HIP1: variants seen among roughly 807,000 people sequenced by gnomAD.
The protein encoded by HIP1 is huntingtin interacting protein 1, also known as huntingtin-interacting protein 1.
In HIP1, 65 loss-of-function variants were observed where a neutral mutation model predicts 147.6. That is an observed-to-expected ratio of 0.44 (90% CI 0.36 to 0.54). The LOEUF is 0.54. Ranked by LOEUF, HIP1 falls within the 20% of genes least tolerant of loss-of-function variation. HIP1 has a pLI of 0.00. For synonymous variants in HIP1, 479 were observed against 504.0 expected (o/e 0.95, Z 0.67); for missense variants, 1,061 against 1,299.6 (o/e 0.82, Z 2.82).
rs782112678 is a variant in HIP1 at position 75,547,036 on chromosome 7, CCAAA to C, written c.2466-8_2466-5del. ...GCTGGTACAGCAACCAAGGATCCTG[CCAAA>C]CAAACAAGTCGAGGATACACTGAGA... On this transcript the variant is annotated splice_region_variant and splice_polypyrimidine_tract_variant and intron_variant, in intron 24 of 30. Transcript: ENST00000336926. 3 of 1,576,044 alleles carry C rather than the reference CCAAA, an allele frequency of 1.9e-6. No individual in the cohort carries two copies. The highest frequency in any genetic ancestry group is 1.2e-5 in the South Asian group (1 of 85,952).
chr7:75,603,343 C>CA (rs10546584), intron 1 of HIP1, among the ~76,000 whole-genome samples: 3,311 of 127,460 alleles, frequency 0.026, 126 homozygotes, highest in African/African-American at 0.079. Flanking sequence ...GCGAGACTCT[C>CA]AAAAAAAAAA....
At chr7:75,561,893 T>G (rs587602453) in intron 12 of HIP1, among the ~76,000 whole-genome samples, 180 bp downstream of exon 12, 2 of 152,310 alleles carry the variant, frequency 1.3e-5, no homozygotes, top group Admixed American at 1.3e-4. Context: ...AAAATCCTCC[T>G]ACCTCATCCT....
chr7:75,570,946 G>A lies in HIP1; in HGVS notation c.746-2690C>T, dbSNP rs141436255. On this transcript the variant is annotated intron_variant, in intron 8 of 30. Transcript: ENST00000336926. ...AATTGCTTGAACCTGGGAGATGGAG[G>A]TTGCAGTGGGATGAGATTGTGCCAC... is the stretch of plus-strand genomic sequence containing the variant. 5.4e-3 allele frequency among the ~76,000 whole-genome samples: 824 copies of A among 152,162 alleles called. 4 individuals are homozygous for A. Among genetic ancestry groups the A allele is most frequent in the Non-Finnish European group, 8.5e-3 (579 of 67,992 alleles).
At chr7:75,544,988 T>C (rs587676576) in intron 26 of HIP1, 100 bp downstream of exon 26, 1 of 829,678 alleles carries the variant, frequency 1.2e-6, no homozygotes, top group East Asian at 2.4e-5. Flanking sequence ...AATAGTTTAT[T>C]TCTAAGGGAC....
intron 5 of HIP1, among the ~76,000 whole-genome samples, chr7:75,584,691 G>T (rs897918360): frequency 6.6e-6 from 1 of 151,884 alleles, no homozygotes; most frequent in African/African-American, 2.4e-5. Context: ...GACCCCTTTG[G>T]CCTCTATCAG....
At chr7:75,611,965 C>A in intron 1 of HIP1, 1 of 782,322 alleles carries the variant, frequency 1.3e-6, no homozygotes, top group Non-Finnish European at 1.6e-6. Context: ...AACCCTCTGG[C>A]CTTGCTTGTG....
rs1159148727 is a variant in HIP1 at position 75,536,850 on chromosome 7, A to G, written c.*1322T>C. 4.3e-6 allele frequency: 1 copy of G among 230,690 alleles called. No individual in the cohort carries two copies. The highest frequency in any genetic ancestry group is 8.6e-6 in the Non-Finnish European group (1 of 116,534). The allele number at this position is 230,690 out of a possible 1,614,324, so 14.3% of individuals were successfully genotyped here. On this transcript the variant is annotated 3_prime_UTR_variant, in exon 31 of 31. Coordinates refer to ENST00000336926, the MANE Select transcript of HIP1 (RefSeq NM_005338.7). ...TCACACCTGAAGTTCTGATTGCTCC[A>G]AGCATCTCTTTGTAGGCTGTTGCTG...
At chr7:75,660,479 A>T (rs1799277559) in intron 1 of HIP1, among the ~76,000 whole-genome samples, 1 of 152,140 alleles carries the variant, frequency 6.6e-6, no homozygotes, top group African/African-American at 2.4e-5. Flanking sequence ...GTGAACCGAG[A>T]TTGCACCACT....
chr7:75,535,046 G>T lies in HIP1; in HGVS notation c.*3126C>A, dbSNP rs782075610. 2 of 210,854 alleles carry T rather than the reference G, an allele frequency of 9.5e-6. No individual in the cohort carries two copies. The highest frequency in any genetic ancestry group is 1.9e-5 in the Non-Finnish European group (2 of 103,780). The allele number at this position is 210,854 out of a possible 1,614,324, so 13.1% of individuals were successfully genotyped here. ...AGTCACAATAGGACAATTTGATTTT[G>T]TCTAGAGAATGGGGTAGCCATTCTA... On this transcript the variant is annotated 3_prime_UTR_variant, in exon 31 of 31. Coordinates refer to ENST00000336926, the MANE Select transcript of HIP1 (RefSeq NM_005338.7).
intron 28 of HIP1, among the ~76,000 whole-genome samples, chr7:75,542,284 T>C (rs1794351425): frequency 6.6e-6 from 1 of 151,494 alleles, no homozygotes; most frequent in Non-Finnish European, 1.5e-5. Flanking sequence ...TAATTCCAGC[T>C]ACTTGGGAGG....
intron 1 of HIP1, among the ~76,000 whole-genome samples, chr7:75,664,179 T>C (rs146776730): frequency 5.1e-5 from 7 of 137,382 alleles, no homozygotes; most frequent in South Asian, 2.2e-4. Context: ...TACATATATG[T>C]ACATACATAT....
chr7:75,727,568 G>A (rs1329975994), intron 1 of HIP1, among the ~76,000 whole-genome samples: 3 of 152,102 alleles, frequency 2.0e-5, no homozygotes, highest in African/African-American at 7.2e-5. Flanking sequence ...AAATAAGGCT[G>A]GGCGCAGTGG....
intron 1 of HIP1, among the ~76,000 whole-genome samples, chr7:75,676,494 T>C (rs1563287104): frequency 6.6e-6 from 1 of 152,024 alleles, no homozygotes; most frequent in Non-Finnish European, 1.5e-5. Context: ...AAGCCCCCTA[T>C]GGCCTGGCGC....
chr7:75,639,087 C>A (rs1041600144), intron 1 of HIP1: 1 of 980,370 alleles, frequency 1.0e-6, no homozygotes, highest in Non-Finnish European at 1.2e-6. Flanking sequence ...CTGCGGGGCA[C>A]CCCCCCACCC....
intron 1 of HIP1, among the ~76,000 whole-genome samples, chr7:75,732,786 G>A (rs781833701): frequency 5.3e-5 from 8 of 152,180 alleles, no homozygotes; most frequent in Non-Finnish European, 7.4e-5. Context: ...AAACATCAGC[G>A]TACACAGAGT....
At chr7:75,551,948 G>C (rs1298225282) in intron 22 of HIP1, among the ~76,000 whole-genome samples, 1 of 151,936 alleles carries the variant, frequency 6.6e-6, no homozygotes, top group Non-Finnish European at 1.5e-5. Context: ...GGAGTGCAAA[G>C]GCACGATCTT....
chr7:75,627,651 G>C (rs1584897304), intron 1 of HIP1, among the ~76,000 whole-genome samples: 1 of 152,170 alleles, frequency 6.6e-6, no homozygotes, highest in Non-Finnish European at 1.5e-5. Context: ...GTAGCATCAA[G>C]TCCACACCCA....
Position 75,553,551 on chromosome 7 carries a change from G to A in HIP1, c.2197C>T (p.Leu733Phe). The change falls in exon 22 of 31, where the codon CTC (leucine) becomes TTC (phenylalanine). Residue 733 changes from leucine (L) to phenylalanine (F), a missense_variant. This residue lies in a region of HIP1 where 810 missense variants were observed against 946.8 expected (regional missense o/e 0.86). Transcript: ENST00000336926. ...TCCTCCAGGGAGGCCAGGTAGGCGA[G>A]GGTTTCCCTGCCATACTGCTTACAG... is the stretch of plus-strand genomic sequence containing the variant. ...EACKQYGRET[L>F]AYLASLEEEG... 3 of 1,614,102 alleles carry A rather than the reference G, an allele frequency of 1.9e-6. No individual in the cohort carries two copies. The highest frequency in any genetic ancestry group is 2.2e-5 in the East Asian group (1 of 44,882).
chr7:75,556,588 G>T, intron 17 of HIP1, 122 bp downstream of exon 17: 1 of 668,878 alleles, frequency 1.5e-6, no homozygotes, highest in Non-Finnish European at 2.7e-6. Flanking sequence ...GGGGGGCTAA[G>T]TGGGGAGGAT....
Sources: gnomAD v4.1 joint callset for allele counts (sites outside exome capture counted in the v4.1 genomes callset) on GRCh38, gnomAD v4.1.1 for gene constraint, gnomAD v4.1.1 regional missense constraint, MANE v1.5 for transcripts, NCBI Gene and HGNC (gene_info 2026-07-23, HGNC 2026-07-21) for gene names.